Variants in C6orf58 observed in about 807,000 individuals in gnomAD.
The protein encoded by C6orf58 is chromosome 6 open reading frame 58, also known as protein LEG1 homolog.
C6orf58 carries 30 observed loss-of-function variants against 37.0 expected under a neutral mutation model. The observed-to-expected ratio is 0.81, with a 90% CI of 0.61 to 1.10. The LOEUF (loss-of-function observed/expected upper bound fraction) is 1.10, where lower values mean the gene tolerates loss of function less well. C6orf58 is among the 50% of genes least tolerant of loss of function. C6orf58 has a pLI of 0.00. For synonymous variants in C6orf58, 143 were observed against 134.1 expected, an observed-to-expected ratio of 1.07 and a Z score of -0.46; for missense variants, 368 against 387.5, an observed-to-expected ratio of 0.95 and a Z score of 0.42.
At chr6:127,577,588 G>T in intron 1 of C6orf58, 102 bp downstream of exon 1, 2 of 963,192 alleles carry the variant, frequency 2.1e-6, no homozygotes, top group Non-Finnish European at 3.2e-6. Flanking sequence ...TTTAAAAATT[G>T]ATTCTTTATC....
At chr6:127,587,946 A>T (rs75056183) in intron 4 of C6orf58, among the ~76,000 whole-genome samples, 2,892 of 152,312 alleles carry the variant, frequency 0.019, 91 homozygotes, top group African/African-American at 0.063. Flanking sequence ...ACTATGTGTG[A>T]GGCTCTGAGT....
chr6:127,585,536 A>C (rs75566236), intron 4 of C6orf58, among the ~76,000 whole-genome samples: 1 of 152,330 alleles, frequency 6.6e-6, no homozygotes, highest in Non-Finnish European at 1.5e-5. Context: ...AATGAAGACA[A>C]CATGAAGCAC....
intron 4 of C6orf58, among the ~76,000 whole-genome samples, chr6:127,588,423 T>TAA (rs1364040177): frequency 1.3e-5 from 2 of 152,186 alleles, no homozygotes; most frequent in South Asian, 4.1e-4. Flanking sequence ...ATCTATTGCA[T>TAA]GCTGTGAAAC....
Position 127,590,231 on chromosome 6 carries a change from T to C in C6orf58, c.819T>C (p.Asn273=). Residue 273 remains asparagine, a synonymous_variant, in exon 5 of 6, where the codon AAT becomes AAC. Transcript: ENST00000329722. The part of the protein sequence containing the change: ...QKGMPPRILL[N]TDVAPFISDF... ...GCATGCCACCACGAATTCTTCTTAA[T>C]ACTGATGTAGCCCCTTTCATCAGTG... 1 of 1,613,738 alleles carries C rather than the reference T, an allele frequency of 6.2e-7. No homozygotes were observed. Among genetic ancestry groups the C allele is most frequent in the Non-Finnish European group, 8.5e-7 (1 of 1,179,736 alleles).
intron 4 of C6orf58, among the ~76,000 whole-genome samples, chr6:127,589,041 G>A (rs1422413927): frequency 6.6e-6 from 1 of 152,134 alleles, no homozygotes; most frequent in Non-Finnish European, 1.5e-5. Flanking sequence ...TTATGTTATA[G>A]TTTATTTAAT....
chr6:127,589,421 T>A (rs1160048605), intron 4 of C6orf58, among the ~76,000 whole-genome samples: 5 of 152,220 alleles, frequency 3.3e-5, no homozygotes, highest in African/African-American at 1.2e-4. Flanking sequence ...GACATGACTT[T>A]TATAGTTCTA....
chr6:127,579,096 G>A (rs1459972265), intron 2 of C6orf58, among the ~76,000 whole-genome samples: 3 of 152,058 alleles, frequency 2.0e-5, no homozygotes, highest in African/African-American at 4.8e-5. Context: ...AATAAGGAAC[G>A]ATGAGAAGTG....
intron 4 of C6orf58, among the ~76,000 whole-genome samples, 179 bp downstream of exon 4, chr6:127,581,461 T>C (rs1225724460): frequency 6.6e-6 from 1 of 151,468 alleles, no homozygotes; most frequent in Admixed American, 6.6e-5. Context: ...CTTAAAAAAG[T>C]GTTTTATGAA....
Position 127,577,366 on chromosome 6 carries a change from A to C in C6orf58, c.181A>C (p.Met61Leu). The change falls in exon 1 of 6, where the codon ATG becomes CTG. Residue 61 changes from methionine (M) to leucine (L), a missense_variant. Met to Leu is a conservative substitution (Grantham distance 15). Transcript: ENST00000329722. ...TAATCCCTGGGTATACCTTGAGAGAATGGGGATGTATAAAATCATATTGAA... is the reference window on the plus strand; with the variant it reads ...TAATCCCTGGGTATACCTTGAGAGACTGGGGATGTATAAAATCATATTGAA... ...IINPWVYLERMGMYKIILNQT... is the reference protein window; with the variant it reads ...IINPWVYLERLGMYKIILNQT... The C allele has an allele frequency of 2.5e-6, 4 of 1,613,646 alleles. No homozygotes were observed. The highest frequency in any genetic ancestry group is 3.4e-6 in the Non-Finnish European group (4 of 1,179,630).
chr6:127,580,211 C>T, intron 2 of C6orf58, 54 bp from the exon 3 acceptor site: 2 of 1,361,714 alleles, frequency 1.5e-6, no homozygotes, highest in Non-Finnish European at 2.0e-6. Flanking sequence ...TTAAAAATAT[C>T]CTCTTTGAAA....
rs780579826 is a variant in C6orf58, at chr6:127,590,113, C to T, written c.701C>T (p.Ala234Val). ...TATGATTATTATTCTAAAGCAGAAG[C>T]GCATTTTGAGAGAAGTTGGGTACTG... ...DRYDYYSKAE[A>V]HFERSWVLAV... Residue 234 changes from alanine (A) to valine (V), a missense_variant, in exon 5 of 6, where the codon GCG becomes GTG. Coordinates refer to ENST00000329722, the MANE Select transcript of C6orf58 (RefSeq NM_001010905.3). 2.2e-5 allele frequency: 36 copies of T among 1,612,524 alleles called. No individual in the cohort carries two copies. Among genetic ancestry groups the T allele is most frequent in the East Asian group, 1.1e-4 (5 of 44,854 alleles).
Position 127,581,244 on chromosome 6 carries a change from T to G in C6orf58, c.636T>G (p.Thr212=), listed in dbSNP as rs750220355. The G allele has an allele frequency of 1.3e-6, 2 of 1,533,858 alleles. No homozygotes were observed. Among genetic ancestry groups the G allele is most frequent in the South Asian group, 2.6e-5 (2 of 75,644 alleles). The change falls in exon 4 of 6, where the codon ACT becomes ACG. Residue 212 remains threonine (T), a synonymous_variant. Transcript: ENST00000329722. Reference sequence around the variant, plus strand: ...TGAAGTACTTATGGGCTGCACACACTTCAACCTTGGCAGATAATATCAAAA... The same window carrying G: ...TGAAGTACTTATGGGCTGCACACACGTCAACCTTGGCAGATAATATCAAAA... The part of the protein sequence containing the change: ...DLLKYLWAAH[T]STLADNIKSF...
At chr6:127,588,445 CTCA>C (rs1775127845) in intron 4 of C6orf58, among the ~76,000 whole-genome samples, 2 of 152,220 alleles carry the variant, frequency 1.3e-5, no homozygotes, top group East Asian at 1.9e-4. Context: ...ACCCTAAAAG[CTCA>C]TCAAGTTACT....
At chr6:127,589,261 C>T (rs1401951790) in intron 4 of C6orf58, among the ~76,000 whole-genome samples, 2 of 152,160 alleles carry the variant, frequency 1.3e-5, no homozygotes, top group Non-Finnish European at 2.9e-5. Flanking sequence ...ATGCCCTTCA[C>T]CTTTGTGAAG....
intron 5 of C6orf58, among the ~76,000 whole-genome samples, chr6:127,591,056 T>C (rs758732103): frequency 6.6e-6 from 1 of 152,158 alleles, no homozygotes; most frequent in African/African-American, 2.4e-5. Context: ...AAACACTTTA[T>C]AGACTTCATA....
intron 1 of C6orf58, among the ~76,000 whole-genome samples, chr6:127,578,166 A>G (rs1385079454): frequency 1.3e-5 from 2 of 152,132 alleles, no homozygotes; most frequent in Non-Finnish European, 2.9e-5. Context: ...AAGAAAAACA[A>G]TGATTATTTT....
At position 127,591,645 on chromosome 6, in the gene C6orf58, G is replaced by A; in HGVS notation, c.*23G>A. On this transcript the variant is annotated 3_prime_UTR_variant, in exon 6 of 6. Transcript: ENST00000329722. Reference sequence around the variant, plus strand: ...TGAAACATTTAACTTCAAACTTCAGGAAATGATTAATGAATTAAAAATGAA... The same window carrying A: ...TGAAACATTTAACTTCAAACTTCAGAAAATGATTAATGAATTAAAAATGAA... 4 of 1,471,966 alleles carry A rather than the reference G, an allele frequency of 2.7e-6. No homozygotes were observed. Among genetic ancestry groups the A allele is most frequent in the Non-Finnish European group, 3.6e-6 (4 of 1,113,750 alleles). 91.2% of individuals were successfully genotyped at this position (1,471,966 alleles called of 1,614,324 possible).
At chr6:127,583,967 GGACCTTT>G (rs1775077353) in intron 4 of C6orf58, among the ~76,000 whole-genome samples, 1 of 152,110 alleles carries the variant, frequency 6.6e-6, no homozygotes. Flanking sequence ...TCAATCAGTA[GGACCTTT>G]GACCAATGCA....
chr6:127,578,791 C>A lies in C6orf58; in HGVS notation c.388+19C>A. On this transcript the variant is annotated intron_variant, in intron 2 of 5. Transcript: ENST00000329722. Reference sequence around the variant, plus strand: ...TGGGCTGGTATGTTCGTTTAAGTGGCAAAATAGATATTAACCTTTCCTGAA... The same window carrying A: ...TGGGCTGGTATGTTCGTTTAAGTGGAAAAATAGATATTAACCTTTCCTGAA... The A allele has an allele frequency of 5.8e-6, 9 of 1,554,956 alleles. No individual in the cohort carries two copies. Among genetic ancestry groups the A allele is most frequent in the Non-Finnish European group, 8.0e-6 (9 of 1,127,606 alleles).
Sources: gnomAD v4.1 joint callset for allele counts (sites outside exome capture counted in the v4.1 genomes callset) on GRCh38, gnomAD v4.1.1 for gene constraint, MANE v1.5 for transcripts, NCBI Gene and HGNC (gene_info 2026-07-23, HGNC 2026-07-21) for gene names.